Variants in LIMCH1 observed in about 807,000 individuals in gnomAD.
LIMCH1 encodes the protein LIM and calponin homology domains-containing protein 1.
LIMCH1 carries 113 observed loss-of-function variants against 176.5 expected under a neutral mutation model. The ratio of observed to expected loss-of-function variants is 0.64; its 90% CI spans 0.55 to 0.75. The LOEUF is 0.75. Ranked by LOEUF, LIMCH1 falls within the 30% of genes least tolerant of loss-of-function variation. The probability of loss-of-function intolerance (pLI) is 0.00; values close to 1 mark genes in which losing one functional copy is unlikely to be tolerated. For missense variants in LIMCH1, 1,674 were observed against 1,814.9 expected, an observed-to-expected ratio of 0.92 and a Z score of 1.41; for synonymous variants, 619 against 645.9, an observed-to-expected ratio of 0.96 and a Z score of 0.63.
At chr4:41,378,906 A>G (rs1253562821) in intron 1 of LIMCH1, among the ~76,000 whole-genome samples, 1 of 152,302 alleles carries the variant, frequency 6.6e-6, no homozygotes, top group South Asian at 2.1e-4. Context: ...TTATATAACA[A>G]TGAGAAGGAA....
chr4:41,360,788 G>A lies in LIMCH1; in HGVS notation c.-53G>A, dbSNP rs893463308. The A allele has an allele frequency of 1.2e-5, 17 of 1,386,398 alleles. No homozygotes were observed. Among genetic ancestry groups the A allele is most frequent in the Non-Finnish European group, 1.6e-5 (16 of 1,031,882 alleles). 85.9% of individuals were successfully genotyped at this position (1,386,398 alleles called of 1,614,324 possible). Reference sequence around the variant, plus strand: ...GCGGGGAGCGCGCTCCTGCGGCGGCGACGGCGGCGGCCGTCCTCATCCCGG... The same window carrying A: ...GCGGGGAGCGCGCTCCTGCGGCGGCAACGGCGGCGGCCGTCCTCATCCCGG... On this transcript the variant is annotated 5_prime_UTR_variant, in exon 1 of 27. Transcript: ENST00000313860. This position sits in a 1 kb window ranked among gnomAD's most constrained non-coding sequence, Gnocchi z 4.5.
intron 1 of LIMCH1, among the ~76,000 whole-genome samples, chr4:41,555,403 A>G (rs1297836665): frequency 6.6e-6 from 1 of 152,156 alleles, no homozygotes; most frequent in East Asian, 1.9e-4. Flanking sequence ...ACCGCCTTCC[A>G]TTGGTTCTAA....
At chr4:41,633,436 C>A in intron 12 of LIMCH1, 112 bp from the exon 13 acceptor site, 1 of 1,294,728 alleles carries the variant, frequency 7.7e-7, no homozygotes, top group East Asian at 2.5e-5. Flanking sequence ...TGTGCCGCTG[C>A]CTCCAGGGAT....
intron 1 of LIMCH1, among the ~76,000 whole-genome samples, chr4:41,402,287 C>T (rs1428493442): frequency 2.0e-5 from 3 of 151,560 alleles, no homozygotes; most frequent in African/African-American, 7.3e-5. Context: ...TACCATCTCA[C>T]ACCAGTTAGA....
chr4:41,576,082 CA>C (rs770045614), intron 1 of LIMCH1, among the ~76,000 whole-genome samples: 16 of 152,270 alleles, frequency 1.1e-4, no homozygotes, highest in African/African-American at 1.7e-4. Flanking sequence ...CATTAATAAG[CA>C]ATACATTTAC....
chr4:41,679,983 A>G (rs572625141), intron 23 of LIMCH1, 23 bp from the exon 24 acceptor site: 11 of 1,547,946 alleles, frequency 7.1e-6, no homozygotes, highest in Non-Finnish European at 9.8e-6. Flanking sequence ...AGTTGAGAAC[A>G]ATCTATGGAA....
intron 1 of LIMCH1, among the ~76,000 whole-genome samples, chr4:41,460,520 GA>G (rs2065232102): frequency 7.1e-6 from 1 of 141,016 alleles, no homozygotes; most frequent in East Asian, 2.0e-4. Context: ...TACACAAAAA[GA>G]TTTTTTTTAA....
chr4:41,447,136 G>T (rs2063365511), intron 1 of LIMCH1, among the ~76,000 whole-genome samples: 2 of 152,112 alleles, frequency 1.3e-5, no homozygotes, highest in Admixed American at 1.3e-4. Flanking sequence ...AGGCTGACGT[G>T]GGAAAATCGC....
intron 1 of LIMCH1, among the ~76,000 whole-genome samples, chr4:41,546,936 A>G (rs888742156): frequency 1.3e-5 from 2 of 152,186 alleles, no homozygotes; most frequent in African/African-American, 2.4e-5. Flanking sequence ...GGTCTTTACT[A>G]CTGGAAGAGT....
intron 2 of LIMCH1, among the ~76,000 whole-genome samples, chr4:41,522,339 C>T (rs762958124): frequency 2.5e-4 from 38 of 152,204 alleles, no homozygotes; most frequent in Non-Finnish European, 5.0e-4. Context: ...ATATGCTACA[C>T]ATATATATTT....
chr4:41,644,845 G>A (rs1315136643), intron 15 of LIMCH1, among the ~76,000 whole-genome samples: 1 of 152,176 alleles, frequency 6.6e-6, no homozygotes, highest in Non-Finnish European at 1.5e-5. Context: ...ACCCTGGCCA[G>A]AAGCTTGGTC....
intron 31 of LIMCH1, among the ~76,000 whole-genome samples, chr4:41,694,489 ATGGTGTTCTGTACT>A (rs1728892966): frequency 6.6e-6 from 1 of 152,174 alleles, no homozygotes; most frequent in African/African-American, 2.4e-5. Context: ...TCATATAGTC[ATGGTGTTCTGTACT>A]TGGTTTTTGT....
At chr4:41,568,997 T>C (rs2083150681) in intron 1 of LIMCH1, among the ~76,000 whole-genome samples, 1 of 151,280 alleles carries the variant, frequency 6.6e-6, no homozygotes, top group Non-Finnish European at 1.5e-5. Flanking sequence ...ATGTCTCATA[T>C]AATTAAAAAA....
chr4:41,687,233 C>T (rs1401976317), intron 28 of LIMCH1, among the ~76,000 whole-genome samples: 2 of 152,174 alleles, frequency 1.3e-5, no homozygotes, highest in African/African-American at 2.4e-5. Flanking sequence ...GCAGGGCTCA[C>T]GTACAACCGT....
Position 41,685,839 on chromosome 4 carries a change from C to T in LIMCH1, c.4088+9C>T. The T allele has an allele frequency of 6.2e-7, 1 of 1,610,406 alleles. No individual in the cohort carries two copies. The highest frequency in any genetic ancestry group is 8.5e-7 in the Non-Finnish European group (1 of 1,178,496). On this transcript the variant is annotated intron_variant, in intron 28 of 31. Coordinates refer to ENST00000503057, the MANE Select transcript of LIMCH1 (RefSeq NM_001330672.2). Reference sequence around the variant, plus strand: ...CCCAGTGAAAGGCGGAAGTGAGTAACCAGACACGATGGTTGTGGGATTCCC... The same window carrying T: ...CCCAGTGAAAGGCGGAAGTGAGTAATCAGACACGATGGTTGTGGGATTCCC...
intron 1 of LIMCH1, among the ~76,000 whole-genome samples, chr4:41,436,842 G>A (rs180670620): frequency 6.6e-6 from 1 of 152,132 alleles, no homozygotes. Flanking sequence ...AGAAAATTAG[G>A]GTAAAAACAC....
chr4:41,468,541 C>T (rs1261777041), intron 1 of LIMCH1, among the ~76,000 whole-genome samples: 1 of 151,470 alleles, frequency 6.6e-6, no homozygotes, highest in African/African-American at 2.4e-5. Flanking sequence ...AACATTCATA[C>T]ATTTTACCAC....
chr4:41,663,867 A>AG (rs1187010917), intron 20 of LIMCH1, among the ~76,000 whole-genome samples: 2 of 150,670 alleles, frequency 1.3e-5, no homozygotes, highest in African/African-American at 4.9e-5. Flanking sequence ...AAAAAAAAAA[A>AG]AAAAAATAGT....
chr4:41,698,455 A>G lies in LIMCH1; in HGVS notation c.*1270A>G, dbSNP rs1384643620. On this transcript the variant is annotated 3_prime_UTR_variant, in exon 32 of 32. Transcript: ENST00000503057. ...TTTCAGCTGGCCAAGAAAGGAGTCA[A>G]GTTATTAAAAAGCATCACAATGTAG... 6.6e-6 allele frequency: 1 copy of G among 152,258 alleles called. No homozygotes were observed. Among genetic ancestry groups the G allele is most frequent in the Non-Finnish European group, 1.5e-5 (1 of 68,040 alleles). 9.4% of individuals were successfully genotyped at this position (152,258 alleles called of 1,614,324 possible). A position where few individuals can be genotyped will look rare whatever the true frequency, so the allele number is the denominator to read the frequency against.
Sources: gnomAD v4.1 joint callset for allele counts (sites outside exome capture counted in the v4.1 genomes callset) on GRCh38, gnomAD v4.1.1 for gene constraint, Gnocchi (gnomAD v3.1) non-coding constraint, MANE v1.5 for transcripts, NCBI Gene and HGNC (gene_info 2026-07-23, HGNC 2026-07-21) for gene names.